Variants in SOX6 observed in about 807,000 individuals in gnomAD.
SOX6 encodes the protein SRY-box transcription factor 6.
In SOX6, 11 loss-of-function variants were observed where a neutral mutation model predicts 97.8. The observed-to-expected ratio is 0.11, with a 90% CI of 0.07 to 0.19. The LOEUF (loss-of-function observed/expected upper bound fraction) is 0.19. SOX6 is among the 10% of genes least tolerant of loss of function. The pLI, the probability that SOX6 is intolerant of heterozygous loss-of-function variation, is 1.00. For missense variants in SOX6, 810 were observed against 1,039.5 expected (o/e 0.78, Z 3.04); for synonymous variants, 360 against 371.4 (o/e 0.97, Z 0.35).
chr11:16,583,638 C>CATATGTATATAT (rs1329710047), intron 4 of SOX6, among the ~76,000 whole-genome samples: 4 of 104,636 alleles, frequency 3.8e-5, no homozygotes, highest in Admixed American at 2.1e-4. Flanking sequence ...TATATATATA[C>CATATGTATATAT]ACATACACAC....
intron 1 of SOX6, among the ~76,000 whole-genome samples, chr11:16,355,128 C>T (rs1370719905): frequency 6.6e-6 from 1 of 151,996 alleles, no homozygotes; most frequent in African/African-American, 2.4e-5. Context: ...CAGCTTAGAA[C>T]AATGACACAC....
chr11:16,560,308 C>T (rs1847793832), intron 4 of SOX6, among the ~76,000 whole-genome samples: 1 of 152,118 alleles, frequency 6.6e-6, no homozygotes, highest in Non-Finnish European at 1.5e-5. Context: ...TACTCTAAGA[C>T]TAAAGGGCTT....
intron 3 of SOX6, among the ~76,000 whole-genome samples, chr11:16,649,571 TGAGA>T (rs1849062860): frequency 6.6e-6 from 1 of 152,144 alleles, no homozygotes; most frequent in Non-Finnish European, 1.5e-5. Context: ...AAACAAATGC[TGAGA>T]GAATTTGCCA....
intron 4 of SOX6, among the ~76,000 whole-genome samples, chr11:16,489,617 T>A (rs1201043227): frequency 1.3e-5 from 2 of 152,116 alleles, no homozygotes; most frequent in African/African-American, 2.4e-5. Flanking sequence ...AACTTCAATT[T>A]CCTTATCTAT....
intron 3 of SOX6, among the ~76,000 whole-genome samples, chr11:16,242,746 C>A (rs972227541): frequency 9.2e-5 from 14 of 151,660 alleles, no homozygotes; most frequent in African/African-American, 3.4e-4. Context: ...TAGTTAATGC[C>A]ATAATATTAA....
chr11:16,488,163 A>T (rs1472799798), intron 4 of SOX6, among the ~76,000 whole-genome samples: 1 of 152,206 alleles, frequency 6.6e-6, no homozygotes, highest in Non-Finnish European at 1.5e-5. Context: ...AGAGTAAATC[A>T]TCCTTACTCA....
chr11:16,183,783 G>T (rs1411143270), intron 6 of SOX6, 103 bp downstream of exon 6: 3 of 976,966 alleles, frequency 3.1e-6, no homozygotes, highest in South Asian at 1.3e-5. Context: ...AGCCTTATTG[G>T]TGCTGTTTAT....
intron 4 of SOX6, among the ~76,000 whole-genome samples, chr11:16,570,476 A>T (rs1847927025): frequency 6.6e-6 from 1 of 152,178 alleles, no homozygotes; most frequent in African/African-American, 2.4e-5. Flanking sequence ...CTGGGAACGT[A>T]TTTCCCAGAA....
chr11:16,199,636 T>C (rs1172143240), intron 4 of SOX6, among the ~76,000 whole-genome samples: 1 of 152,184 alleles, frequency 6.6e-6, no homozygotes, highest in Admixed American at 6.5e-5. Context: ...AGTACGCTGT[T>C]GGGAGATACA....
At chr11:16,684,776 A>G (rs374790158) in intron 3 of SOX6, among the ~76,000 whole-genome samples, 80 of 151,498 alleles carry the variant, frequency 5.3e-4, no homozygotes, top group African/African-American at 1.4e-3. Context: ...TTCTCTTTGG[A>G]AAAAAAAAGA....
chr11:16,202,912 CA>C (rs1851977310), intron 4 of SOX6, among the ~76,000 whole-genome samples: 1 of 151,884 alleles, frequency 6.6e-6, no homozygotes, highest in African/African-American at 2.4e-5. Context: ...AAGCAAACAC[CA>C]AAATACATAG....
intron 5 of SOX6, among the ~76,000 whole-genome samples, chr11:16,184,498 G>A (rs1034025632): frequency 3.9e-5 from 6 of 152,074 alleles, no homozygotes; most frequent in African/African-American, 1.4e-4. Flanking sequence ...TGTATGTGAT[G>A]TACAAAATAT....
intron 9 of SOX6, among the ~76,000 whole-genome samples, chr11:16,092,281 A>C (rs1364220973): frequency 6.6e-6 from 1 of 152,030 alleles, no homozygotes; most frequent in Non-Finnish European, 1.5e-5. Flanking sequence ...ATTAATAAGT[A>C]ATAAAAAATA....
chr11:16,031,945 T>C (rs923391117), intron 12 of SOX6, among the ~76,000 whole-genome samples: 1 of 152,000 alleles, frequency 6.6e-6, no homozygotes, highest in Non-Finnish European at 1.5e-5. Flanking sequence ...ACAAGCAAAT[T>C]GAGACAGTGA....
intron 6 of SOX6, among the ~76,000 whole-genome samples, chr11:16,134,065 G>T (rs1251205364): frequency 6.6e-6 from 1 of 152,236 alleles, no homozygotes; most frequent in Non-Finnish European, 1.5e-5. Context: ...CACTGATATA[G>T]TATTGGCAAT....
intron 9 of SOX6, among the ~76,000 whole-genome samples, chr11:16,067,500 G>T (rs1370201053): frequency 1.3e-5 from 2 of 152,004 alleles, no homozygotes; most frequent in Admixed American, 1.3e-4. Flanking sequence ...TTCACCTTCT[G>T]CCATGATTGT....
At chr11:16,622,977 G>A (rs1012008937) in intron 3 of SOX6, among the ~76,000 whole-genome samples, 4 of 151,996 alleles carry the variant, frequency 2.6e-5, no homozygotes, top group South Asian at 4.2e-4. Context: ...AAGTAAGGTA[G>A]TATTGCATTG....
intron 6 of SOX6, among the ~76,000 whole-genome samples, chr11:16,142,398 G>A (rs1174327681): frequency 6.6e-6 from 1 of 152,082 alleles, no homozygotes; most frequent in African/African-American, 2.4e-5. Context: ...CACAAAGATG[G>A]GGGAAAAACA....
chr11:16,577,538 T>C (rs1847994862), intron 4 of SOX6, among the ~76,000 whole-genome samples: 1 of 152,214 alleles, frequency 6.6e-6, no homozygotes, highest in African/African-American at 2.4e-5. Context: ...TCATGAGCAA[T>C]ATATGAGGGT....
Sources: gnomAD v4.1 joint callset for allele counts (sites outside exome capture counted in the v4.1 genomes callset) on GRCh38, gnomAD v4.1.1 for gene constraint, MANE v1.5 for transcripts, NCBI Gene and HGNC (gene_info 2026-07-23, HGNC 2026-07-21) for gene names.